PDE1C: variants seen among roughly 807,000 people sequenced by gnomAD.
The protein encoded by PDE1C is dual specificity calcium/calmodulin-dependent 3',5'-cyclic nucleotide phosphodiesterase 1C.
A neutral mutation model predicts 93.1 loss-of-function variants in PDE1C; 62 were observed. The ratio of observed to expected loss-of-function variants is 0.67; its 90% confidence interval spans 0.54 to 0.82. PDE1C has a LOEUF of 0.82. Ranked by LOEUF, PDE1C falls within the 40% of genes least tolerant of loss-of-function variation. The pLI, the probability that PDE1C is intolerant of heterozygous loss-of-function variation, is 0.00. For synonymous variants in PDE1C, 325 were observed against 310.1 expected (o/e 1.05, Z -0.50); for missense variants, 742 against 884.6 (o/e 0.84, Z 2.04).
intron 2 of PDE1C, among the ~76,000 whole-genome samples, chr7:31,967,447 C>A (rs1777034250): frequency 6.6e-6 from 1 of 152,130 alleles, no homozygotes; most frequent in Non-Finnish European, 1.5e-5. Context: ...ATAACAGGAG[C>A]TGAAATTGAG....
At chr7:32,420,229 A>ATG (rs1473574896) in intron 1 of PDE1C, among the ~76,000 whole-genome samples, 1 of 25,266 alleles carries the variant, frequency 4.0e-5, no homozygotes, top group African/African-American at 1.0e-4. Context: ...ATACATATAT[A>ATG]TGTATATATA....
rs146781717 is a variant in PDE1C, at chr7:31,833,075, G to A, written c.1203+4105C>T. Among the ~76,000 whole-genome samples the A allele has an allele frequency of 5.6e-3, 850 of 152,188 alleles. 8 individuals are homozygous for A. The highest frequency in any genetic ancestry group is 0.019 in the African/African-American group (800 of 41,530). ...CCGTGGGAGATAATTGAATAATGGG[G>A]GCAGTTTCCTCCATACTGTTTTCAT... On this transcript the variant is annotated intron_variant, in intron 11 of 17. Coordinates refer to ENST00000396191, the MANE Select transcript of PDE1C (RefSeq NM_001191057.4).
intron 17 of PDE1C, 89 bp downstream of exon 17, chr7:31,775,575 G>A (rs1489624647): frequency 1.9e-6 from 2 of 1,059,048 alleles, no homozygotes; most frequent in Non-Finnish European, 2.9e-6. Context: ...ATGGGGCCAT[G>A]TTCTCAGTTT....
chr7:32,219,913 T>C (rs1328270578), intron 1 of PDE1C, among the ~76,000 whole-genome samples: 6 of 152,220 alleles, frequency 3.9e-5, no homozygotes, highest in Admixed American at 1.3e-4. Flanking sequence ...AACTGAATCA[T>C]GGGGACAGTT....
intron 3 of PDE1C, chr7:32,077,898 T>C: frequency 3.0e-6 from 3 of 985,366 alleles, no homozygotes; most frequent in Non-Finnish European, 3.6e-6. Flanking sequence ...GTGGTGAAGG[T>C]CCAAGAAGTC....
At chr7:31,905,231 C>T (rs1038848784) in intron 2 of PDE1C, among the ~76,000 whole-genome samples, 1 of 152,094 alleles carries the variant, frequency 6.6e-6, no homozygotes, top group African/African-American at 2.4e-5. Context: ...GAGAGAACAT[C>T]TGTATTGTTG....
chr7:31,878,114 T>C (rs1357058764), intron 4 of PDE1C, 78 bp from the exon 5 acceptor site: 4 of 993,122 alleles, frequency 4.0e-6, no homozygotes, highest in Non-Finnish European at 4.7e-6. Flanking sequence ...ATACCAAGTA[T>C]TGACAAATAA....
At chr7:32,314,097 T>C (rs1783116313) in intron 1 of PDE1C, among the ~76,000 whole-genome samples, 1 of 151,920 alleles carries the variant, frequency 6.6e-6, no homozygotes, top group African/African-American at 2.4e-5. Flanking sequence ...TGGGCCCACT[T>C]TCCCCAGAAA....
chr7:31,643,692 T>A, the PDE1C span: 1 of 1,613,934 alleles, frequency 6.2e-7, no homozygotes. Flanking sequence ...CCTTGACACA[T>A]GGGCCCCAGC....
intron 17 of PDE1C, among the ~76,000 whole-genome samples, chr7:31,774,973 C>T (rs556991833): frequency 2.6e-5 from 4 of 152,058 alleles, no homozygotes; most frequent in South Asian, 2.1e-4. Context: ...AAATTCTGCT[C>T]GTTAAAATTA....
chr7:32,068,812 C>T (rs1308635148), intron 1 of PDE1C, among the ~76,000 whole-genome samples: 2 of 152,216 alleles, frequency 1.3e-5, no homozygotes, highest in African/African-American at 4.8e-5. Context: ...CTCTAGTCAG[C>T]ATGGCAAGGA....
intron 3 of PDE1C, among the ~76,000 whole-genome samples, chr7:32,143,913 A>AC (rs5883330): frequency 0.022 from 3,375 of 152,170 alleles, 66 homozygotes; most frequent in Non-Finnish European, 0.037. Context: ...GATGTGTGTG[A>AC]CCCCACGCTA....
chr7:31,639,946 T>C, the PDE1C span, among the ~76,000 whole-genome samples: 1 of 152,236 alleles, frequency 6.6e-6, no homozygotes, highest in South Asian at 2.1e-4. Flanking sequence ...ATGGATCATA[T>C]GTTCCTGCTT....
the PDE1C span, among the ~76,000 whole-genome samples, chr7:31,622,775 A>G: frequency 1.3e-5 from 2 of 152,212 alleles, no homozygotes; most frequent in African/African-American, 2.4e-5. Context: ...AACTGAAGGA[A>G]ATAGAGACAC....
At chr7:31,671,528 G>T in the PDE1C span, among the ~76,000 whole-genome samples, 1 of 152,164 alleles carries the variant, frequency 6.6e-6, no homozygotes, top group Non-Finnish European at 1.5e-5. Flanking sequence ...TAGCCTGATA[G>T]GTCCACTAGC....
chr7:31,635,131 C>G, the PDE1C span, among the ~76,000 whole-genome samples: 1 of 152,242 alleles, frequency 6.6e-6, no homozygotes, highest in South Asian at 2.1e-4. Flanking sequence ...TTGTATTTGT[C>G]TGTTTGTTTA....
At chr7:32,166,321 G>C (rs1280973370) in intron 3 of PDE1C, among the ~76,000 whole-genome samples, 3 of 152,156 alleles carry the variant, frequency 2.0e-5, no homozygotes, top group East Asian at 1.9e-4. Context: ...CACCTGGATA[G>C]CTTAAAATGT....
intron 1 of PDE1C, among the ~76,000 whole-genome samples, chr7:32,266,805 A>C (rs908258522): frequency 1.3e-5 from 2 of 150,350 alleles, no homozygotes; most frequent in African/African-American, 4.9e-5. Context: ...AGTGCAAATG[A>C]GCTCCAACAA....
At chr7:31,965,601 C>T (rs1267862158) in intron 2 of PDE1C, among the ~76,000 whole-genome samples, 1 of 152,144 alleles carries the variant, frequency 6.6e-6, no homozygotes, top group Non-Finnish European at 1.5e-5. Flanking sequence ...TCAGGAAATA[C>T]AGAGAAGGCC....
Sources: gnomAD v4.1 joint callset for allele counts (sites outside exome capture counted in the v4.1 genomes callset) on GRCh38, gnomAD v4.1.1 for gene constraint, MANE v1.5 for transcripts, NCBI Gene and HGNC (gene_info 2026-07-23, HGNC 2026-07-21) for gene names.